CHMP2B: variants seen among roughly 807,000 people sequenced by gnomAD.
The protein encoded by CHMP2B is VPS2 homolog B.
Under a neutral mutation model 29.8 loss-of-function variants are expected in CHMP2B, and 22 were observed. The observed-to-expected ratio is 0.74, with a 90% CI of 0.53 to 1.05. CHMP2B has a LOEUF of 1.05. CHMP2B is among the 50% of genes least tolerant of loss of function. The pLI, the probability that CHMP2B is intolerant of heterozygous loss-of-function variation, is 0.00. For missense variants in CHMP2B, 261 were observed against 252.2 expected, an observed-to-expected ratio of 1.03 and a Z score of -0.24; for synonymous variants, 78 against 75.8, an observed-to-expected ratio of 1.03 and a Z score of -0.15.
intron 1 of CHMP2B, among the ~76,000 whole-genome samples, chr3:87,232,377 C>T (rs1575962369): frequency 6.6e-6 from 1 of 152,112 alleles, no homozygotes; most frequent in South Asian, 2.1e-4. Context: ...ATAAAATACA[C>T]TATTCTCATG....
intron 3 of CHMP2B, 71 bp from the exon 4 acceptor site, chr3:87,249,804 C>G: frequency 2.2e-6 from 2 of 909,416 alleles, no homozygotes; most frequent in Non-Finnish European, 3.6e-6. Context: ...GATGTGTTCC[C>G]TTTTGACTTA....
Position 87,227,533 on chromosome 3 carries a change from T to G in CHMP2B, c.11T>G (p.Leu4Arg). Residue 4 changes from leucine to arginine, a missense_variant, in exon 1 of 6, where the codon CTC (leucine) becomes CGC (arginine). Transcript: ENST00000263780. ...GCGCAGTCTTTAACCATGGCGTCCC[T>G]CTTCAAGAAGAAAACCGTGGATGGT... The part of the protein sequence containing the change: MAS[L>R]FKKKTVDDVI... 1.2e-6 allele frequency: 2 copies of G among 1,614,108 alleles called. No homozygotes were observed. Among genetic ancestry groups the G allele is most frequent in the East Asian group, 4.5e-5 (2 of 44,838 alleles).
At chr3:87,229,271 T>G (rs1705864827) in intron 1 of CHMP2B, among the ~76,000 whole-genome samples, 2 of 152,184 alleles carry the variant, frequency 1.3e-5, no homozygotes, top group African/African-American at 4.8e-5. Context: ...AACTGTATAC[T>G]CATTTGCAGT....
intron 4 of CHMP2B, among the ~76,000 whole-genome samples, chr3:87,251,015 T>C (rs1706305808): frequency 6.6e-6 from 1 of 151,882 alleles, no homozygotes; most frequent in African/African-American, 2.4e-5. Context: ...AAATGAAAAA[T>C]AGAAAATTAA....
At chr3:87,243,126 C>A (rs1423109197) in intron 2 of CHMP2B, among the ~76,000 whole-genome samples, 3 of 152,074 alleles carry the variant, frequency 2.0e-5, no homozygotes, top group Non-Finnish European at 4.4e-5. Flanking sequence ...TTATTTAGAT[C>A]TCCATTTATT....
In CHMP2B at chr3:87,255,423, A is replaced by G. The variant is rs1706389144; in HGVS notation, c.*1601A>G. ...CTAACTTATTTACGTTCTTGTTTAC[A>G]TGTGGGAGCTTTTGTTTTCAAAAAT... On this transcript the variant is annotated 3_prime_UTR_variant, in exon 6 of 6. Coordinates refer to ENST00000263780, the MANE Select transcript of CHMP2B (RefSeq NM_014043.4). The G allele has an allele frequency of 1.3e-5, 2 of 152,414 alleles. No individual in the cohort carries two copies. The allele number at this position is 152,414 out of a possible 1,614,324, so 9.4% of individuals were successfully genotyped here. A position where few individuals can be genotyped will look rare whatever the true frequency, so the allele number is the denominator to read the frequency against.
chr3:87,233,613 C>A (rs958831559), intron 1 of CHMP2B, among the ~76,000 whole-genome samples: 3 of 152,112 alleles, frequency 2.0e-5, no homozygotes, highest in Non-Finnish European at 2.9e-5. Flanking sequence ...TTGTCCAGTG[C>A]TGTTACCAGT....
chr3:87,238,928 A>G (rs1706065811), intron 1 of CHMP2B, among the ~76,000 whole-genome samples: 1 of 152,170 alleles, frequency 6.6e-6, no homozygotes, highest in East Asian at 1.9e-4. Flanking sequence ...AAGGGTTCCA[A>G]TTTTCACATC....
Position 87,253,906 on chromosome 3 carries a change from G to T in CHMP2B, c.*84G>T. 9.0e-5 allele frequency: 74 copies of T among 823,554 alleles called. No homozygotes were observed. The highest frequency in any genetic ancestry group is 1.8e-4 in the East Asian group (6 of 34,160). 51.0% of individuals were successfully genotyped at this position (823,554 alleles called of 1,614,324 possible). On this transcript the variant is annotated 3_prime_UTR_variant, in exon 6 of 6. Transcript: ENST00000263780. ...TGCAGATTTCTTTTACAAAACACAT[G>T]TATTTTGCAAAAAAAAAAAAAATGA...
At chr3:87,236,661 G>A (rs1298831854) in intron 1 of CHMP2B, among the ~76,000 whole-genome samples, 1 of 151,974 alleles carries the variant, frequency 6.6e-6, no homozygotes, top group Admixed American at 6.6e-5. Flanking sequence ...AGATCAGCCT[G>A]GCCAACATGG....
In CHMP2B at chr3:87,227,408, T is replaced by A; in HGVS notation, c.-115T>A. 1.6e-6 allele frequency: 2 copies of A among 1,222,716 alleles called. No homozygotes were observed. Among genetic ancestry groups the A allele is most frequent in the Non-Finnish European group, 2.4e-6 (2 of 828,432 alleles). 75.7% of individuals were successfully genotyped at this position (1,222,716 alleles called of 1,614,324 possible). A position where few individuals can be genotyped will look rare whatever the true frequency, so the allele number is the denominator to read the frequency against. On this transcript the variant is annotated 5_prime_UTR_variant, in exon 1 of 6. Coordinates refer to ENST00000263780, the MANE Select transcript of CHMP2B (RefSeq NM_014043.4). ...CCTGGCGACCCCGACCTCCTCCTGC[T>A]GTCTCTCCGCTCCGCCACCCCGAAC...
At chr3:87,251,507 C>T (rs1706312314) in intron 4 of CHMP2B, among the ~76,000 whole-genome samples, 1 of 152,022 alleles carries the variant, frequency 6.6e-6, no homozygotes, top group East Asian at 1.9e-4. Flanking sequence ...TATTTTAATA[C>T]ATTACAAGTT....
intron 3 of CHMP2B, 152 bp downstream of exon 3, chr3:87,246,060 C>A (rs553775291): frequency 4.8e-6 from 3 of 620,758 alleles, no homozygotes; most frequent in Admixed American, 3.1e-5. Context: ...ACTAGATAAT[C>A]CAGGTAATTA....
intron 1 of CHMP2B, among the ~76,000 whole-genome samples, chr3:87,235,383 A>G (rs1559605852): frequency 6.6e-6 from 1 of 152,134 alleles, no homozygotes; most frequent in Non-Finnish European, 1.5e-5. Context: ...TCGTATGAAA[A>G]TATGTTTTAC....
At chr3:87,239,359 G>T (rs1201846058) in intron 1 of CHMP2B, among the ~76,000 whole-genome samples, 1 of 151,914 alleles carries the variant, frequency 6.6e-6, no homozygotes, top group Non-Finnish European at 1.5e-5. Flanking sequence ...AGGTCATAAA[G>T]ATTTACTTCT....
intron 1 of CHMP2B, among the ~76,000 whole-genome samples, chr3:87,229,617 G>A (rs1705872064): frequency 6.6e-6 from 1 of 151,954 alleles, no homozygotes; most frequent in Admixed American, 6.5e-5. Context: ...TTGGTAATGA[G>A]GCTGTATATT....
At chr3:87,253,204 A>G in intron 4 of CHMP2B, 200 bp from the exon 5 acceptor site, 1 of 517,674 alleles carries the variant, frequency 1.9e-6, no homozygotes, top group Non-Finnish European at 3.5e-6. Context: ...TTGTGTTGAA[A>G]TGAACATTAT....
chr3:87,228,302 T>C (rs922904266), intron 1 of CHMP2B, among the ~76,000 whole-genome samples: 1 of 152,244 alleles, frequency 6.6e-6, no homozygotes, highest in African/African-American at 2.4e-5. Context: ...ACAAGTTTTA[T>C]GGTGCTCATA....
At chr3:87,237,467 C>T (rs1223800235) in intron 1 of CHMP2B, among the ~76,000 whole-genome samples, 1 of 152,196 alleles carries the variant, frequency 6.6e-6, no homozygotes, top group Non-Finnish European at 1.5e-5. Flanking sequence ...GGCACCTTGA[C>T]TCCTTTCAGC....
Sources: allele counts gnomAD v4.1 joint callset (sites outside exome capture counted in the v4.1 genomes callset), GRCh38; gene constraint gnomAD v4.1.1; transcripts MANE v1.5; gene names NCBI Gene and HGNC (gene_info 2026-07-23, HGNC 2026-07-21).